Variants in GALNT13 observed in about 807,000 individuals in gnomAD.
GALNT13 encodes the protein UDP-GalNAc:polypeptide N-acetylgalactosaminyltransferase 13.
A neutral mutation model predicts 64.2 loss-of-function variants in GALNT13; 28 were observed. The ratio of observed to expected loss-of-function variants is 0.44; its 90% CI spans 0.32 to 0.60. The LOEUF (loss-of-function observed/expected upper bound fraction) is 0.60. GALNT13 is among the 20% of genes least tolerant of loss of function. The probability of loss-of-function intolerance (pLI) is 0.05; values close to 1 mark genes in which losing one functional copy is unlikely to be tolerated. For missense variants in GALNT13, 577 were observed against 669.8 expected (o/e 0.86, Z 1.53); for synonymous variants, 214 against 224.6 (o/e 0.95, Z 0.42).
At chr2:153,878,729 C>T (rs539507966) in intron 1 of GALNT13, among the ~76,000 whole-genome samples, 2 of 152,242 alleles carry the variant, frequency 1.3e-5, no homozygotes, top group East Asian at 1.9e-4. Flanking sequence ...CCAACTTGTA[C>T]GGGTCAGTTT....
the GALNT13 span, among the ~76,000 whole-genome samples, chr2:153,266,168 AT>A: frequency 6.6e-6 from 1 of 152,194 alleles, no homozygotes; most frequent in Admixed American, 6.5e-5. Flanking sequence ...TTTCCAAGGT[AT>A]GTTTGTATAT....
intron 9 of GALNT13, among the ~76,000 whole-genome samples, chr2:154,329,175 G>A (rs1022816959): frequency 9.2e-5 from 14 of 152,000 alleles, no homozygotes; most frequent in Non-Finnish European, 1.5e-4. Flanking sequence ...GCGCAATCTC[G>A]GCTCACTACA....
chr2:153,465,749 T>C, the GALNT13 span, among the ~76,000 whole-genome samples: 4 of 152,012 alleles, frequency 2.6e-5, no homozygotes, highest in African/African-American at 7.2e-5. Context: ...GTGTAACTTC[T>C]GGACAAATCA....
intron 3 of GALNT13, among the ~76,000 whole-genome samples, chr2:154,114,011 A>G (rs1401399039): frequency 6.6e-6 from 1 of 152,180 alleles, no homozygotes; most frequent in African/African-American, 2.4e-5. Context: ...GCTTATGATA[A>G]TCCACTGTCA....
chr2:153,978,271 T>G (rs1455911503), intron 3 of GALNT13, among the ~76,000 whole-genome samples: 1 of 152,164 alleles, frequency 6.6e-6, no homozygotes, highest in African/African-American at 2.4e-5. Flanking sequence ...GGACAGAAAA[T>G]TGAAGAGGTT....
At chr2:153,629,187 G>C in the GALNT13 span, among the ~76,000 whole-genome samples, 89 of 141,638 alleles carry the variant, frequency 6.3e-4, no homozygotes, top group African/African-American at 2.2e-3. Flanking sequence ...GGGATTGGTG[G>C]TGATATCCCC....
At chr2:153,233,834 G>A in the GALNT13 span, among the ~76,000 whole-genome samples, 4 of 152,114 alleles carry the variant, frequency 2.6e-5, no homozygotes, top group Admixed American at 1.3e-4. Flanking sequence ...AGTCAATGCC[G>A]TGTTTCCTTG....
At chr2:153,282,206 T>C in the GALNT13 span, among the ~76,000 whole-genome samples, 1 of 152,188 alleles carries the variant, frequency 6.6e-6, no homozygotes, top group Non-Finnish European at 1.5e-5. Flanking sequence ...TTGAAATTTC[T>C]TAAGTGAGTT....
intron 9 of GALNT13, among the ~76,000 whole-genome samples, chr2:154,366,381 T>C: frequency 6.6e-6 from 1 of 152,202 alleles, no homozygotes; most frequent in East Asian, 1.9e-4. Context: ...ACTCGCTATA[T>C]ATGTAATTAA....
Position 154,140,337 on chromosome 2 carries a change from C to T in GALNT13, c.143C>T (p.Ala48Val), listed in dbSNP as rs1254612469. Residue 48 changes from alanine to valine, a missense_variant and splice_region_variant, in exon 4 of 13, where the codon GCT (alanine) becomes GTT (valine). Coordinates refer to ENST00000392825, the MANE Select transcript of GALNT13 (RefSeq NM_052917.4). The part of the protein sequence containing the change: ...KERSLLPALR[A>V]VISRNQEGPG... The stretch of plus-strand genomic sequence containing the variant: ...GTCTGTATCTCTGTATGTCTTACAG[C>T]TGTTATTTCAAGAAACCAAGAAGGG... The T allele has an allele frequency of 3.7e-6, 6 of 1,609,906 alleles. No individual in the cohort carries two copies. Among genetic ancestry groups the T allele is most frequent in the African/African-American group, 1.3e-5 (1 of 74,728 alleles).
At chr2:154,382,271 C>G (rs776291127) in intron 9 of GALNT13, among the ~76,000 whole-genome samples, 2 of 152,050 alleles carry the variant, frequency 1.3e-5, no homozygotes, top group Admixed American at 6.6e-5. Flanking sequence ...TGTTAGAATT[C>G]TCTATGTAAC....
chr2:153,463,226 A>G, the GALNT13 span, among the ~76,000 whole-genome samples: 1 of 152,138 alleles, frequency 6.6e-6, no homozygotes, highest in African/African-American at 2.4e-5. Flanking sequence ...GAAAAATATG[A>G]TGATATCTTA....
At chr2:154,031,960 A>C (rs1698367148) in intron 3 of GALNT13, among the ~76,000 whole-genome samples, 1 of 152,000 alleles carries the variant, frequency 6.6e-6, no homozygotes, top group Non-Finnish European at 1.5e-5. Flanking sequence ...GCAACAATGC[A>C]GCTAAAGCAA....
the GALNT13 span, among the ~76,000 whole-genome samples, chr2:153,314,223 T>C: frequency 2.0e-5 from 3 of 152,128 alleles, no homozygotes; most frequent in Admixed American, 6.5e-5. Context: ...GATAAATCTG[T>C]TGAGATTACC....
chr2:153,597,304 A>G, the GALNT13 span, among the ~76,000 whole-genome samples: 1 of 152,158 alleles, frequency 6.6e-6, no homozygotes, highest in Non-Finnish European at 1.5e-5. Context: ...AGATCACACA[A>G]GCATGAAGCT....
chr2:154,230,747 A>G (rs574540999), intron 4 of GALNT13, among the ~76,000 whole-genome samples: 1 of 152,168 alleles, frequency 6.6e-6, no homozygotes, highest in African/African-American at 2.4e-5. Flanking sequence ...GTCCACTGAA[A>G]CCCCAGAAGA....
the GALNT13 span, among the ~76,000 whole-genome samples, chr2:153,728,325 C>G: frequency 6.6e-6 from 1 of 152,168 alleles, no homozygotes; most frequent in Non-Finnish European, 1.5e-5. Context: ...ACCACACTGT[C>G]TTCCACAATG....
At position 154,072,661 on chromosome 2, in the gene GALNT13, T is replaced by C. The variant is rs114950428; in HGVS notation, c.143-67676T>C. Among the ~76,000 whole-genome samples the C allele has an allele frequency of 2.4e-3, 361 of 152,148 alleles. 4 individuals are homozygous for C. Among genetic ancestry groups the C allele is most frequent in the African/African-American group, 7.9e-3 (327 of 41,556 alleles). On this transcript the variant is annotated intron_variant, in intron 3 of 12. Coordinates refer to ENST00000392825, the MANE Select transcript of GALNT13 (RefSeq NM_052917.4). ...AACCCCTAGGACATTGCTGCCTGGT[T>C]ATATGTAGTAGAGTACTGATGGTAC...
intron 3 of GALNT13, among the ~76,000 whole-genome samples, chr2:153,964,522 A>C (rs983890099): frequency 6.6e-6 from 1 of 152,150 alleles, no homozygotes; most frequent in Non-Finnish European, 1.5e-5. Flanking sequence ...ACTAATATGA[A>C]TAATTTAGTT....
Sources: gnomAD v4.1 joint callset for allele counts (sites outside exome capture counted in the v4.1 genomes callset) on GRCh38, gnomAD v4.1.1 for gene constraint, MANE v1.5 for transcripts, NCBI Gene and HGNC (gene_info 2026-07-23, HGNC 2026-07-21) for gene names.